Variants in CADM2 observed in about 807,000 individuals in gnomAD.
The protein encoded by CADM2 is immunoglobulin superfamily member 4D.
A neutral mutation model predicts 49.8 loss-of-function variants in CADM2; 12 were observed. That is an observed-to-expected ratio of 0.24 (90% CI 0.15 to 0.39). The LOEUF (loss-of-function observed/expected upper bound fraction) is 0.39, where lower values mean the gene tolerates loss of function less well. Ranked by LOEUF, CADM2 falls within the 10% of genes least tolerant of loss-of-function variation. The pLI is 1.00. For missense variants in CADM2, 378 were observed against 492.3 expected (o/e 0.77, Z 2.20); for synonymous variants, 214 against 175.4 (o/e 1.22, Z -1.74).
chr3:85,388,619 A>G (rs757919608), intron 1 of CADM2, among the ~76,000 whole-genome samples: 4 of 152,134 alleles, frequency 2.6e-5, no homozygotes, highest in African/African-American at 4.8e-5. Flanking sequence ...AAGCAGTGCA[A>G]TGTGTGGGAT....
intron 1 of CADM2, among the ~76,000 whole-genome samples, chr3:85,113,695 T>TTC (rs2107575271): frequency 6.6e-6 from 1 of 151,442 alleles, no homozygotes; most frequent in Non-Finnish European, 1.5e-5. Flanking sequence ...CGTTTTTTTT[T>TTC]TTTTGTGCTA....
chr3:85,290,032 GT>G (rs2043741228), intron 1 of CADM2, among the ~76,000 whole-genome samples: 1 of 152,148 alleles, frequency 6.6e-6, no homozygotes, highest in Admixed American at 6.5e-5. Flanking sequence ...TGAGGTACTG[GT>G]TTCATCTCAC....
chr3:85,058,196 G>C (rs2036166604), intron 1 of CADM2, among the ~76,000 whole-genome samples: 2 of 151,978 alleles, frequency 1.3e-5, no homozygotes, highest in African/African-American at 4.8e-5. Flanking sequence ...GTTTGTTCAG[G>C]TAATGAAACT....
Position 85,497,635 on chromosome 3 carries a change from TA to T in CADM2, c.62-228883del, listed in dbSNP as rs1289275369. On this transcript the variant is annotated intron_variant, in intron 1 of 9. Transcript: ENST00000383699. ...ATTTATTAAATTAGAAAATCATCTT[TA>T]AAACTTATAGCGGTATGTTTTATCA... Among the ~76,000 whole-genome samples, 21 of 152,118 alleles carry T rather than the reference TA, an allele frequency of 1.4e-4. 1 individual carries two copies. The highest frequency in any genetic ancestry group is 5.1e-4 in the African/African-American group (21 of 41,452).
At chr3:86,033,236 T>G (rs1490782285) in intron 8 of CADM2, among the ~76,000 whole-genome samples, 1 of 151,946 alleles carries the variant, frequency 6.6e-6, no homozygotes, top group Non-Finnish European at 1.5e-5. Flanking sequence ...GGTTCTAAAT[T>G]TCATGGTCTT....
chr3:86,031,549 C>A (rs568783914), intron 8 of CADM2, among the ~76,000 whole-genome samples: 1 of 151,694 alleles, frequency 6.6e-6, no homozygotes, highest in Non-Finnish European at 1.5e-5. Context: ...TAAAGATGAA[C>A]AAATTGAATG....
At chr3:85,453,533 T>A (rs2037848442) in intron 1 of CADM2, among the ~76,000 whole-genome samples, 1 of 152,172 alleles carries the variant, frequency 6.6e-6, no homozygotes, top group African/African-American at 2.4e-5. Context: ...TTATATTTAT[T>A]GTCAATTTTC....
intron 1 of CADM2, among the ~76,000 whole-genome samples, chr3:85,428,327 T>C (rs994754688): frequency 2.0e-5 from 3 of 146,638 alleles, no homozygotes; most frequent in African/African-American, 7.4e-5. Flanking sequence ...ATATGATATA[T>C]AATATATATA....
chr3:85,321,248 C>T (rs1268124960), intron 1 of CADM2, among the ~76,000 whole-genome samples: 1 of 144,836 alleles, frequency 6.9e-6, no homozygotes, highest in African/African-American at 2.5e-5. Context: ...TCTCGGTTCA[C>T]TGCAACCTCT....
chr3:85,389,435 T>A (rs2034408201), intron 1 of CADM2, among the ~76,000 whole-genome samples: 1 of 152,114 alleles, frequency 6.6e-6, no homozygotes, highest in Non-Finnish European at 1.5e-5. Context: ...ATCTAGGAAG[T>A]GGCCCGTATA....
chr3:86,054,210 G>A (rs935699087), intron 8 of CADM2, among the ~76,000 whole-genome samples: 9 of 151,016 alleles, frequency 6.0e-5, no homozygotes, highest in African/African-American at 2.2e-4. Context: ...AATGATATAT[G>A]GAAAAGACAT....
chr3:85,230,518 T>C (rs986451464), intron 1 of CADM2, among the ~76,000 whole-genome samples: 1 of 152,188 alleles, frequency 6.6e-6, no homozygotes, highest in African/African-American at 2.4e-5. Context: ...AGGTGTGAAA[T>C]TGTTAATTCG....
chr3:85,492,346 C>T (rs1205144295), intron 1 of CADM2, among the ~76,000 whole-genome samples: 1 of 152,096 alleles, frequency 6.6e-6, no homozygotes, highest in Middle Eastern at 3.2e-3. Flanking sequence ...AATCCAAACA[C>T]TTTGGGAGGC....
chr3:85,266,014 G>T (rs2043114435), intron 1 of CADM2, among the ~76,000 whole-genome samples: 2 of 151,770 alleles, frequency 1.3e-5, no homozygotes, highest in Non-Finnish European at 2.9e-5. Flanking sequence ...ACAGTAACTT[G>T]TTTTCTATGC....
intron 1 of CADM2, among the ~76,000 whole-genome samples, chr3:85,076,473 G>A (rs2036948082): frequency 6.6e-6 from 1 of 151,912 alleles, no homozygotes; most frequent in East Asian, 2.0e-4. Context: ...TCAGCCTCCT[G>A]AGTAGCTGGG....
intron 1 of CADM2, among the ~76,000 whole-genome samples, chr3:85,403,511 T>C (rs2035219729): frequency 6.6e-6 from 1 of 152,124 alleles, no homozygotes; most frequent in African/African-American, 2.4e-5. Flanking sequence ...GAGTCAGTGA[T>C]TATGTCCTCT....
At position 85,839,742 on chromosome 3, in the gene CADM2, C is replaced by G. The variant is rs574383521; in HGVS notation, c.238+37546C>G. On this transcript the variant is annotated intron_variant, in intron 3 of 9. Coordinates refer to ENST00000383699, the MANE Select transcript of CADM2 (RefSeq NM_001167675.2). ...GAAAGAAAACATCAAAATCCTATGTCTTTATATTACTTATTCAGGCAAATA... is the reference window on the plus strand; with the variant it reads ...GAAAGAAAACATCAAAATCCTATGTGTTTATATTACTTATTCAGGCAAATA... Among the ~76,000 whole-genome samples, 8 of 151,928 alleles carry G rather than the reference C, an allele frequency of 5.3e-5. No individual in the cohort carries two copies. In the South Asian group the frequency reaches 1.7e-3, roughly 32 times the overall value.
At chr3:85,286,262 C>G (rs1406590000) in intron 1 of CADM2, among the ~76,000 whole-genome samples, 1 of 152,082 alleles carries the variant, frequency 6.6e-6, no homozygotes, top group Non-Finnish European at 1.5e-5. Context: ...CAGGGACTAT[C>G]CAAACTTTAG....
At chr3:85,718,687 A>G (rs925902495) in intron 1 of CADM2, among the ~76,000 whole-genome samples, 1 of 151,978 alleles carries the variant, frequency 6.6e-6, no homozygotes, top group Admixed American at 6.6e-5. Context: ...AGTGAAAAAA[A>G]TTTAATATAA....
Sources: allele counts gnomAD v4.1 joint callset (sites outside exome capture counted in the v4.1 genomes callset), GRCh38; gene constraint gnomAD v4.1.1; transcripts MANE v1.5; gene names NCBI Gene and HGNC (gene_info 2026-07-23, HGNC 2026-07-21).